SETD2: variants seen among roughly 807,000 people sequenced by gnomAD.
SETD2 encodes histone-lysine N-methyltransferase SETD2.
In SETD2, 31 loss-of-function variants were observed where a neutral mutation model predicts 242.1. The ratio of observed to expected loss-of-function variants is 0.13; its 90% CI spans 0.10 to 0.17. The LOEUF (loss-of-function observed/expected upper bound fraction) is 0.17, where lower values mean the gene tolerates loss of function less well. SETD2 is among the 10% of genes least tolerant of loss of function. The pLI is 1.00. For missense variants in SETD2, 2,481 were observed against 3,046.3 expected, an observed-to-expected ratio of 0.81 and a Z score of 4.37; for synonymous variants, 1,006 against 1,066.5, an observed-to-expected ratio of 0.94 and a Z score of 1.11.
At chr3:47,050,540 C>T (rs1247661959) in intron 15 of SETD2, among the ~76,000 whole-genome samples, 1 of 151,852 alleles carries the variant, frequency 6.6e-6, no homozygotes, top group Non-Finnish European at 1.5e-5. Context: ...ACTTTTTGAG[C>T]GTCCACATGG....
intron 1 of SETD2, among the ~76,000 whole-genome samples, chr3:47,157,851 C>A (rs1459261948): frequency 2.1e-5 from 3 of 140,422 alleles, no homozygotes; most frequent in Non-Finnish European, 3.1e-5. Context: ...CCAGCCTGGG[C>A]AACAAGAGCA....
intron 18 of SETD2, among the ~76,000 whole-genome samples, chr3:47,027,695 T>C (rs2038558257): frequency 6.6e-6 from 1 of 152,166 alleles, no homozygotes; most frequent in Non-Finnish European, 1.5e-5. Flanking sequence ...ATTTGGTAAA[T>C]TACTAAAAGC....
intron 1 of SETD2, chr3:47,157,502 A>G (rs2106844955): frequency 2.2e-6 from 1 of 456,048 alleles, no homozygotes; most frequent in South Asian, 1.5e-5. Context: ...CTTTTGACCA[A>G]ATTTGCCATA....
chr3:47,055,970 G>A (rs1470804237), intron 15 of SETD2, among the ~76,000 whole-genome samples: 53 of 113,856 alleles, frequency 4.7e-4, no homozygotes, highest in African/African-American at 1.8e-3. Context: ...CCGAGATCGC[G>A]CCACTGCACT....
chr3:47,159,393 C>A (rs1015988820), intron 1 of SETD2, among the ~76,000 whole-genome samples: 1 of 152,200 alleles, frequency 6.6e-6, no homozygotes, highest in African/African-American at 2.4e-5. Context: ...AACTTTCTAA[C>A]GCTGAGACCA....
chr3:47,044,374 A>AAAAAAAAAAAAAAAAAAC (rs2039425084), intron 16 of SETD2, among the ~76,000 whole-genome samples: 1 of 119,512 alleles, frequency 8.4e-6, no homozygotes, highest in Non-Finnish European at 1.7e-5. Flanking sequence ...AAAAAAAAAA[A>AAAAAAAAAAAAAAAAAAC]AAAAAAAAAA....
In SETD2 at chr3:47,121,634, G is replaced by C. The variant is rs200816574; in HGVS notation, c.3002C>G (p.Ser1001Cys). 1 of 1,614,112 alleles carries C rather than the reference G, an allele frequency of 6.2e-7. No individual in the cohort carries two copies. Among genetic ancestry groups the C allele is most frequent in the Non-Finnish European group, 8.5e-7 (1 of 1,180,000 alleles). Residue 1001 changes from serine to cysteine, a missense_variant, in exon 3 of 21, where the codon TCT becomes TGT. Ser to Cys is a moderately radical substitution (Grantham distance 112). Coordinates refer to ENST00000409792, the MANE Select transcript of SETD2 (RefSeq NM_014159.7). ...CATGGTTAAATTCAAATCACAAGAAGAAAATACAACTTCTGAGTCATCAGA... is the reference window on the plus strand; with the variant it reads ...CATGGTTAAATTCAAATCACAAGAACAAAATACAACTTCTGAGTCATCAGA... ...HTSDDSEVVF[S>C]SCDLNLTMED...
At chr3:47,047,968 G>T (rs1429310596) in intron 15 of SETD2, among the ~76,000 whole-genome samples, 1 of 152,110 alleles carries the variant, frequency 6.6e-6, no homozygotes, top group African/African-American at 2.4e-5. Context: ...AGGCTATATG[G>T]TATAGTCTGT....
chr3:47,117,180 G>T (rs186272781), intron 3 of SETD2, among the ~76,000 whole-genome samples: 23 of 147,488 alleles, frequency 1.6e-4, no homozygotes, highest in Admixed American at 1.5e-3. Flanking sequence ...CACATTTAAT[G>T]ATTCCTGTAA....
chr3:47,117,901 C>A (rs540017191), intron 3 of SETD2, among the ~76,000 whole-genome samples: 4 of 152,202 alleles, frequency 2.6e-5, no homozygotes, highest in African/African-American at 9.6e-5. Flanking sequence ...ACAAAACAAC[C>A]AAAGATGGTC....
chr3:47,038,532 T>C (rs1365988565), intron 17 of SETD2, among the ~76,000 whole-genome samples: 1 of 152,072 alleles, frequency 6.6e-6, no homozygotes, highest in African/African-American at 2.4e-5. Flanking sequence ...GTAGAATAAC[T>C]TCAACCTGGG....
intron 17 of SETD2, among the ~76,000 whole-genome samples, chr3:47,038,635 A>C (rs924822023): frequency 2.6e-5 from 4 of 152,226 alleles, no homozygotes; most frequent in African/African-American, 9.6e-5. Context: ...ACAAAAAAAA[A>C]AACAAAAACT....
intron 9 of SETD2, among the ~76,000 whole-genome samples, chr3:47,095,032 C>T (rs2107666979): frequency 6.6e-6 from 1 of 152,290 alleles, no homozygotes; most frequent in Admixed American, 6.5e-5. Context: ...AGATATAATG[C>T]CACCTCTTAA....
chr3:47,056,105 T>C (rs1414172583), intron 15 of SETD2, among the ~76,000 whole-genome samples: 4 of 102,196 alleles, frequency 3.9e-5, no homozygotes, highest in Non-Finnish European at 1.0e-4. Flanking sequence ...TTTATTTATT[T>C]ATTTATTTAT....
intron 1 of SETD2, among the ~76,000 whole-genome samples, chr3:47,152,785 G>A (rs913224538): frequency 6.6e-6 from 1 of 152,218 alleles, no homozygotes; most frequent in Non-Finnish European, 1.5e-5. Flanking sequence ...CTAGGTTCTT[G>A]CAAGCCCAGA....
At chr3:47,085,768 C>A (rs1459846907) in intron 11 of SETD2, among the ~76,000 whole-genome samples, 1 of 152,170 alleles carries the variant, frequency 6.6e-6, no homozygotes, top group Non-Finnish European at 1.5e-5. Context: ...TCTTTTAAAA[C>A]ACTTATTTAA....
chr3:47,133,301 G>T (rs983836280), intron 1 of SETD2, among the ~76,000 whole-genome samples: 1 of 152,196 alleles, frequency 6.6e-6, no homozygotes, highest in East Asian at 1.9e-4. Context: ...CGATCCTCCC[G>T]CCTTAGCCTC....
chr3:47,103,468 A>G, intron 6 of SETD2, 45 bp from the exon 7 acceptor site: 1 of 1,299,034 alleles, frequency 7.7e-7, no homozygotes, highest in South Asian at 1.2e-5. Context: ...AATACCTTAA[A>G]TATTCATGCA....
intron 9 of SETD2, among the ~76,000 whole-genome samples, chr3:47,095,437 A>C (rs2041970330): frequency 6.6e-6 from 1 of 152,130 alleles, no homozygotes; most frequent in Non-Finnish European, 1.5e-5. Context: ...CCTGGCCTGG[A>C]AAGTTTTTAT....
Sources: allele counts gnomAD v4.1 joint callset (sites outside exome capture counted in the v4.1 genomes callset), GRCh38; gene constraint gnomAD v4.1.1; transcripts MANE v1.5; gene names NCBI Gene and HGNC (gene_info 2026-07-23, HGNC 2026-07-21).